Variants in CSF2RA observed in about 807,000 individuals in gnomAD.
CSF2RA encodes the protein colony stimulating factor 2 receptor subunit alpha, also known as granulocyte-macrophage colony-stimulating factor receptor subunit alpha.
CSF2RA carries 42 observed loss-of-function variants against 51.6 expected under a neutral mutation model. The observed-to-expected ratio is 0.81, with a 90% CI of 0.64 to 1.05. The LOEUF (loss-of-function observed/expected upper bound fraction) is 1.05. CSF2RA is among the 50% of genes least tolerant of loss of function. CSF2RA has a pLI of 0.00. For missense variants in CSF2RA, 530 were observed against 501.1 expected (o/e 1.06, Z -0.55); for synonymous variants, 222 against 193.0 (o/e 1.15, Z -1.24).
downstream of CSF2RA, among the ~76,000 whole-genome samples, chrX:1,314,478 A>ACCTG (rs1569514882): frequency 1.7e-4 from 23 of 139,004 alleles, no homozygotes; most frequent in Non-Finnish European, 2.9e-4. Flanking sequence ...ACCCCAATGC[A>ACCTG]CCTACCCAAC....
rs190606141 is a variant in CSF2RA at position 1,305,458 on chromosome X, A to G, written c.1056A>G (p.Ile352Met). 1 of 1,614,026 alleles carries G rather than the reference A, an allele frequency of 6.2e-7. No homozygotes were observed. The highest frequency in any genetic ancestry group is 8.5e-7 in the Non-Finnish European group (1 of 1,179,878). ...CTCTGTGTCTCAGGTTCCTTAGGAT[A>G]CAGCGGCTGTTCCCGCCAGTTCCAC... Reference protein sequence around the residue: ...LGFLFKRFLRIQRLFPPVPQI... With the variant: ...LGFLFKRFLRMQRLFPPVPQI... The change falls in exon 12 of 13, where the codon ATA becomes ATG. Residue 352 changes from isoleucine (I) to methionine (M), a missense_variant. Coordinates refer to ENST00000381529, the MANE Select transcript of CSF2RA (RefSeq NM_172245.4).
intron 10 of CSF2RA, 90 bp downstream of exon 10, chrX:1,300,716 G>C: frequency 1.3e-6 from 2 of 1,562,622 alleles, no homozygotes; most frequent in Non-Finnish European, 8.8e-7. Flanking sequence ...CCTGGGCGCT[G>C]AGATCGAGTT....
At position 1,309,813 on chromosome X, in the gene CSF2RA, G is replaced by A. The variant is rs1468022166; in HGVS notation, c.*334G>A. The A allele has an allele frequency of 3.4e-5, 21 of 616,140 alleles. No individual in the cohort carries two copies. The highest frequency in any genetic ancestry group is 2.9e-4 in the South Asian group (15 of 51,734). 38.2% of individuals were successfully genotyped at this position (616,140 alleles called of 1,614,324 possible). A position where few individuals can be genotyped will look rare whatever the true frequency, so the allele number is the denominator to read the frequency against. ...TGAGGCAGGAGAATTGCTTGAACCC[G>A]TGAGGCGGAGGTTGTAGTGAGCCAA... On this transcript the variant is annotated 3_prime_UTR_variant, in exon 13 of 13. Coordinates refer to ENST00000381529, the MANE Select transcript of CSF2RA (RefSeq NM_172245.4).
At chrX:1,272,801 CTTT>C (rs372370857) in intron 1 of CSF2RA, among the ~76,000 whole-genome samples, 1 of 139,512 alleles carries the variant, frequency 7.2e-6, no homozygotes, top group African/African-American at 2.6e-5. Flanking sequence ...TCTTCTTTTT[CTTT>C]TTTTTTTTCT....
chrX:1,320,324 G>A, the CSF2RA span, among the ~76,000 whole-genome samples: 11,028 of 151,798 alleles, frequency 0.073, 491 homozygotes, highest in South Asian at 0.12. Context: ...CATTGCACCC[G>A]GCTAATGCTG....
intron 12 of CSF2RA, 81 bp from the exon 13 acceptor site, chrX:1,309,321 G>A: frequency 7.0e-6 from 10 of 1,418,786 alleles, no homozygotes; most frequent in Non-Finnish European, 1.0e-5. Flanking sequence ...TCTCGAGGGA[G>A]AAAAAGAAAA....
intron 12 of CSF2RA, among the ~76,000 whole-genome samples, chrX:1,307,782 C>T (rs2083795569): frequency 6.9e-6 from 1 of 144,112 alleles, no homozygotes; most frequent in Non-Finnish European, 1.6e-5. Flanking sequence ...AGATGAGGCC[C>T]ACCTTTCCCT....
At chrX:1,323,329 C>A in the CSF2RA span, among the ~76,000 whole-genome samples, 1 of 151,698 alleles carries the variant, frequency 6.6e-6, no homozygotes, top group Admixed American at 6.6e-5. Context: ...GCCTGGCCAA[C>A]ATGGTGAAAC....
chrX:1,288,923 A>G, intron 6 of CSF2RA, 35 bp downstream of exon 6: 1 of 1,612,658 alleles, frequency 6.2e-7, no homozygotes, highest in East Asian at 2.2e-5. Context: ...ATTATGAGGA[A>G]TGCAGGGATG....
the CSF2RA span, among the ~76,000 whole-genome samples, chrX:1,322,742 C>T: frequency 3.3e-4 from 50 of 151,906 alleles, no homozygotes; most frequent in African/African-American, 1.1e-3. Flanking sequence ...AATTGTAGTG[C>T]GTTGAACAGT....
chrX:1,282,645 C>T lies in CSF2RA; in HGVS notation c.-26-33C>T, dbSNP rs754485493. 2.0e-6 allele frequency: 3 copies of T among 1,486,742 alleles called. No homozygotes were observed. The African/African-American group carries it at 4.2e-5, about 21-fold the overall frequency. 92.1% of individuals were successfully genotyped at this position (1,486,742 alleles called of 1,614,324 possible). A position where few individuals can be genotyped will look rare whatever the true frequency, so the allele number is the denominator to read the frequency against. Reference sequence around the variant, plus strand: ...GCCAGGAATGTCCTGGGAGAGGCAACCTTCTCACTGTGTGATATTTTCTCT... The same window carrying T: ...GCCAGGAATGTCCTGGGAGAGGCAATCTTCTCACTGTGTGATATTTTCTCT... On this transcript the variant is annotated intron_variant, in intron 2 of 12. Coordinates refer to ENST00000381529, the MANE Select transcript of CSF2RA (RefSeq NM_172245.4).
chrX:1,290,500 A>G lies in CSF2RA; in HGVS notation c.637A>G (p.Lys213Glu). 6.2e-7 allele frequency: 1 copy of G among 1,613,810 alleles called. No homozygotes were observed. Among genetic ancestry groups the G allele is most frequent in the Non-Finnish European group, 8.5e-7 (1 of 1,179,762 alleles). Residue 213 changes from lysine to glutamate, a missense_variant, in exon 7 of 13, where the codon AAG (lysine) becomes GAG (glutamate). By Grantham distance (56) the Lys-to-Glu change is moderately conservative. Transcript: ENST00000381529. ...ATTCTTTGATTCACTTTTGGACACA[A>G]AGAAAATAGGTGAGAATAACACATA... ...IQFFDSLLDT[K>E]KIERFNPPSN...
intron 4 of CSF2RA, chrX:1,287,132 A>AC (rs1162659097): frequency 6.8e-6 from 1 of 146,696 alleles, no homozygotes; most frequent in East Asian, 2.0e-4. Context: ...TTGCTATGTT[A>AC]CCCCAGATGA....
downstream of CSF2RA, among the ~76,000 whole-genome samples, chrX:1,312,103 C>T (rs764590151): frequency 5.2e-4 from 79 of 152,224 alleles, no homozygotes; most frequent in African/African-American, 1.9e-3. Flanking sequence ...ATGACAGGCA[C>T]CTGCCACCAC....
At chrX:1,315,855 G>T in the CSF2RA span, among the ~76,000 whole-genome samples, 2 of 147,072 alleles carry the variant, frequency 1.4e-5, no homozygotes, top group African/African-American at 5.1e-5. Flanking sequence ...TGGATAGATA[G>T]ATGGATGAAT....
the CSF2RA span, among the ~76,000 whole-genome samples, chrX:1,318,815 G>A: frequency 6.7e-6 from 1 of 149,776 alleles, no homozygotes; most frequent in Admixed American, 6.7e-5. Flanking sequence ...TACTCGGGAG[G>A]CTGAGGCAGG....
intron 9 of CSF2RA, among the ~76,000 whole-genome samples, chrX:1,296,440 T>C (rs1244834131): frequency 2.5e-5 from 1 of 40,446 alleles, no homozygotes; most frequent in African/African-American, 1.0e-4. Flanking sequence ...ACCCCTACAC[T>C]CTCCTACCCA....
intron 4 of CSF2RA, among the ~76,000 whole-genome samples, chrX:1,288,125 G>A (rs1357650821): frequency 6.6e-6 from 1 of 151,978 alleles, no homozygotes; most frequent in Admixed American, 6.6e-5. Context: ...AGAGCCCTCG[G>A]AGGAAGCTTA....
the CSF2RA span, among the ~76,000 whole-genome samples, chrX:1,317,858 A>C: frequency 1.3e-5 from 2 of 151,938 alleles, no homozygotes; most frequent in Admixed American, 1.3e-4. Context: ...CCCAGGCTGG[A>C]GTGCAGTGGC....
Sources: gnomAD v4.1 joint callset for allele counts (sites outside exome capture counted in the v4.1 genomes callset) on GRCh38, gnomAD v4.1.1 for gene constraint, MANE v1.5 for transcripts, NCBI Gene and HGNC (gene_info 2026-07-23, HGNC 2026-07-21) for gene names.